The following CAMTA1 variants were observed in gnomAD, a reference collection of about 807,000 sequenced individuals.
CAMTA1 encodes calmodulin-binding transcription activator 1.
In CAMTA1, 27 loss-of-function variants were observed where a neutral mutation model predicts 170.9. The ratio of observed to expected loss-of-function variants is 0.16; its 90% CI spans 0.12 to 0.22. The LOEUF is 0.22. CAMTA1 is among the 10% of genes least tolerant of loss of function. The pLI is 1.00. For synonymous variants in CAMTA1, 833 were observed against 891.5 expected (o/e 0.93, Z 1.17); for missense variants, 1,619 against 2,217.2 (o/e 0.73, Z 5.42).
chr1:7,387,853 G>T (rs1422938705), intron 5 of CAMTA1, among the ~76,000 whole-genome samples: 1 of 152,212 alleles, frequency 6.6e-6, no homozygotes. Context: ...CAACACAATT[G>T]ATCTTTGCTT....
At chr1:7,436,777 A>G (rs1161623724) in intron 5 of CAMTA1, among the ~76,000 whole-genome samples, 1 of 152,162 alleles carries the variant, frequency 6.6e-6, no homozygotes, top group Admixed American at 6.5e-5. Flanking sequence ...TACCCTGGGA[A>G]CGGCAGTGGG....
intron 4 of CAMTA1, among the ~76,000 whole-genome samples, chr1:7,103,779 A>G (rs1424834529): frequency 6.7e-6 from 1 of 149,918 alleles, no homozygotes; most frequent in Non-Finnish European, 1.5e-5. Context: ...CAACACACAT[A>G]ACTACACGTA....
At chr1:7,760,149 T>C (rs908675722) in intron 22 of CAMTA1, among the ~76,000 whole-genome samples, 1 of 152,200 alleles carries the variant, frequency 6.6e-6, no homozygotes, top group Non-Finnish European at 1.5e-5. Flanking sequence ...AAAACCTTAA[T>C]TGGAGGAAGA....
chr1:7,698,795 G>C (rs2096406464), intron 11 of CAMTA1: 1 of 23,520 alleles, frequency 4.3e-5, no homozygotes, highest in Admixed American at 7.6e-4. Flanking sequence ...ACCTTCAGAA[G>C]CACTGTCAAA....
intron 3 of CAMTA1, among the ~76,000 whole-genome samples, chr1:6,986,730 G>A (rs1314554100): frequency 6.6e-6 from 1 of 152,112 alleles, no homozygotes; most frequent in Non-Finnish European, 1.5e-5. Flanking sequence ...GTGGTTCCTG[G>A]TGGTTGTCTG....
chr1:7,015,117 T>A (rs950119917), intron 3 of CAMTA1, among the ~76,000 whole-genome samples: 3 of 152,212 alleles, frequency 2.0e-5, no homozygotes, highest in African/African-American at 7.2e-5. Context: ...GATGGACGGA[T>A]GTCTTGGAAT....
intron 6 of CAMTA1, among the ~76,000 whole-genome samples, chr1:7,614,631 T>C (rs557913731): frequency 6.6e-6 from 1 of 152,256 alleles, no homozygotes; most frequent in African/African-American, 2.4e-5. Flanking sequence ...TGGGAATGTT[T>C]ATGGCTCGTC....
At chr1:7,159,383 G>A (rs1007415196) in intron 4 of CAMTA1, among the ~76,000 whole-genome samples, 1 of 152,032 alleles carries the variant, frequency 6.6e-6, no homozygotes, top group Non-Finnish European at 1.5e-5. Flanking sequence ...GTCAGCCAGT[G>A]ATCTCACTTT....
At chr1:6,979,198 G>T (rs547303175) in intron 3 of CAMTA1, among the ~76,000 whole-genome samples, 2 of 152,240 alleles carry the variant, frequency 1.3e-5, no homozygotes, top group African/African-American at 2.4e-5. Flanking sequence ...GCCTGGCAGG[G>T]CAGCCCCATC....
chr1:7,701,212 A>C (rs1389482848), intron 11 of CAMTA1, among the ~76,000 whole-genome samples: 1 of 152,196 alleles, frequency 6.6e-6, no homozygotes, highest in African/African-American at 2.4e-5. Flanking sequence ...GACTTTTTGA[A>C]GCTTTCGTCT....
intron 5 of CAMTA1, among the ~76,000 whole-genome samples, chr1:7,292,179 A>G (rs1459883244): frequency 6.6e-6 from 1 of 152,182 alleles, no homozygotes; most frequent in Non-Finnish European, 1.5e-5. Context: ...TGGAGATTGA[A>G]TTGCTGAAGC....
At position 7,262,431 on chromosome 1, in the gene CAMTA1, G is replaced by A. The variant is rs1440893843; in HGVS notation, c.438+12805G>A. Among the ~76,000 whole-genome samples the A allele has an allele frequency of 1.2e-4, 18 of 152,128 alleles. 1 individual carries two copies. Among genetic ancestry groups the A allele is most frequent in the Non-Finnish European group, 2.5e-4 (17 of 68,018 alleles). ...ATAAAAATTAGCCGGGCGTGGTGGC[G>A]CAAGCCTGTAATCCCAGCTACTCAG... On this transcript the variant is annotated intron_variant, in intron 5 of 22. Transcript: ENST00000303635.
intron 3 of CAMTA1, among the ~76,000 whole-genome samples, chr1:6,863,745 G>A (rs1665613734): frequency 6.6e-6 from 1 of 152,176 alleles, no homozygotes; most frequent in South Asian, 2.1e-4. Context: ...TGTGGTACAT[G>A]TTTCACACCA....
intron 1 of CAMTA1, among the ~76,000 whole-genome samples, chr1:6,814,687 C>T (rs1330586068): frequency 6.6e-6 from 1 of 152,014 alleles, no homozygotes; most frequent in East Asian, 1.9e-4. Context: ...ACTGAGAGGT[C>T]GTATCTACAG....
intron 3 of CAMTA1, among the ~76,000 whole-genome samples, chr1:7,054,019 G>C (rs554559663): frequency 1.3e-5 from 2 of 152,188 alleles, no homozygotes; most frequent in African/African-American, 4.8e-5. Flanking sequence ...GTCCTGGGCT[G>C]GGGGGTCCCT....
chr1:7,301,321 G>A (rs778853290), intron 5 of CAMTA1, among the ~76,000 whole-genome samples: 2 of 152,226 alleles, frequency 1.3e-5, no homozygotes, highest in Admixed American at 1.3e-4. Flanking sequence ...TTGTAATGTG[G>A]TTTGACTTTT....
chr1:7,702,297 C>A (rs928751904), intron 11 of CAMTA1, among the ~76,000 whole-genome samples: 1 of 152,150 alleles, frequency 6.6e-6, no homozygotes, highest in African/African-American at 2.4e-5. Flanking sequence ...CTCCTTCAGA[C>A]AGCTGGGATG....
chr1:7,717,622 C>G (rs1469894976), intron 11 of CAMTA1, among the ~76,000 whole-genome samples: 1 of 151,992 alleles, frequency 6.6e-6, no homozygotes, highest in Non-Finnish European at 1.5e-5. Flanking sequence ...TGGTGCATGC[C>G]TGTGGTCCCA....
At chr1:7,421,718 T>C (rs1417454309) in intron 5 of CAMTA1, among the ~76,000 whole-genome samples, 1 of 152,126 alleles carries the variant, frequency 6.6e-6, no homozygotes, top group Non-Finnish European at 1.5e-5. Context: ...TGCCACCTCA[T>C]TGGTGGTACC....
Sources: gnomAD v4.1 joint callset for allele counts (sites outside exome capture counted in the v4.1 genomes callset) on GRCh38, gnomAD v4.1.1 for gene constraint, MANE v1.5 for transcripts, NCBI Gene and HGNC (gene_info 2026-07-23, HGNC 2026-07-21) for gene names.